Variants in STK32C observed in about 807,000 individuals in gnomAD.
STK32C encodes serine/threonine-protein kinase 32C.
In STK32C, 31 loss-of-function variants were observed where a neutral mutation model predicts 56.5. The observed-to-expected ratio is 0.55, with a 90% CI of 0.41 to 0.74. The LOEUF (loss-of-function observed/expected upper bound fraction) is 0.74, where lower values mean the gene tolerates loss of function less well. Among genes scored for constraint, STK32C ranks in the 30% least tolerant of loss-of-function variants. STK32C has a pLI of 0.00. For synonymous variants in STK32C, 309 were observed against 289.4 expected, an observed-to-expected ratio of 1.07 and a Z score of -0.69; for missense variants, 544 against 676.9, an observed-to-expected ratio of 0.80 and a Z score of 2.18.
At chr10:132,295,692 T>C (rs1249878317) in intron 1 of STK32C, among the ~76,000 whole-genome samples, 4 of 152,128 alleles carry the variant, frequency 2.6e-5, no homozygotes, top group Non-Finnish European at 5.9e-5. Context: ...GAGACCAGCA[T>C]GGCCGACATG....
chr10:132,290,584 G>A (rs1207438339), intron 1 of STK32C, among the ~76,000 whole-genome samples: 2 of 152,208 alleles, frequency 1.3e-5, no homozygotes, highest in African/African-American at 2.4e-5. Flanking sequence ...CGTTTATGAG[G>A]ATGGATTCCA....
intron 2 of STK32C, among the ~76,000 whole-genome samples, chr10:132,245,495 C>A (rs1427340586): frequency 1.3e-5 from 2 of 152,258 alleles, no homozygotes; most frequent in Non-Finnish European, 2.9e-5. Context: ...GCAGGGCACT[C>A]TGGACGGGGC....
intron 1 of STK32C, among the ~76,000 whole-genome samples, chr10:132,254,092 G>A (rs929842451): frequency 4.6e-5 from 7 of 152,186 alleles, no homozygotes; most frequent in Admixed American, 3.3e-4. Context: ...GGTGGATCAC[G>A]AGGTCAGGAG....
chr10:132,246,973 G>A (rs1351305968), intron 1 of STK32C, among the ~76,000 whole-genome samples: 7 of 152,176 alleles, frequency 4.6e-5, no homozygotes, highest in East Asian at 1.9e-4. Context: ...TAGGACACCC[G>A]CTGGTTCATG....
chr10:132,208,366 G>A (rs923661), intron 11 of STK32C, among the ~76,000 whole-genome samples: 83,625 of 152,086 alleles, frequency 0.55, 23,834 homozygotes, highest in Admixed American at 0.67. Flanking sequence ...GAGGCTCGGC[G>A]TGTTTCCAGC....
chr10:132,250,717 G>A (rs1274773315), intron 1 of STK32C, among the ~76,000 whole-genome samples: 1 of 152,242 alleles, frequency 6.6e-6, no homozygotes, highest in African/African-American at 2.4e-5. Context: ...TTGCAGAGAG[G>A]AGACCCGGGC....
chr10:132,232,550 G>A (rs911807955), intron 2 of STK32C, among the ~76,000 whole-genome samples: 2 of 152,128 alleles, frequency 1.3e-5, no homozygotes, highest in Non-Finnish European at 2.9e-5. Context: ...GGGCAGGCAG[G>A]TCCGACTCAA....
At chr10:132,220,015 G>A (rs1367383420) in intron 10 of STK32C, among the ~76,000 whole-genome samples, 1 of 152,180 alleles carries the variant, frequency 6.6e-6, no homozygotes, top group Non-Finnish European at 1.5e-5. Flanking sequence ...ACTCCTTGGT[G>A]AATATCAGCC....
Position 132,255,113 on chromosome 10 carries a change from G to A in STK32C, c.263-9158C>T, listed in dbSNP as rs912270201. On this transcript the variant is annotated intron_variant, in intron 1 of 11. Coordinates refer to ENST00000298630, the MANE Select transcript of STK32C (RefSeq NM_173575.4). This position sits in a 1 kb window ranked among gnomAD's most constrained non-coding sequence, Gnocchi z 4.6. ...CTGTCACAAAGATCAAATGTCACAC[G>A]TGGTTGAAACACACGCAGAAGTTGA... is the stretch of plus-strand genomic sequence containing the variant. Among the ~76,000 whole-genome samples the A allele has an allele frequency of 2.6e-5, 4 of 152,208 alleles. No homozygotes were observed. Among genetic ancestry groups the A allele is most frequent in the African/African-American group, 7.2e-5 (3 of 41,444 alleles).
At chr10:132,254,961 G>T (rs570581184) in intron 1 of STK32C, among the ~76,000 whole-genome samples, 1 of 152,018 alleles carries the variant, frequency 6.6e-6, no homozygotes, top group South Asian at 2.1e-4. Context: ...GGCCTGGGAC[G>T]CTTCCCTTCA....
intron 1 of STK32C, among the ~76,000 whole-genome samples, chr10:132,259,396 G>A (rs2064231732): frequency 6.6e-6 from 1 of 152,186 alleles, no homozygotes; most frequent in African/African-American, 2.4e-5. Flanking sequence ...GGAGGTGACT[G>A]GGTCAACGGG....
Position 132,307,661 on chromosome 10 carries a change from A to AG in STK32C, c.172dup (p.Leu58ProfsTer26). On this transcript the variant is annotated frameshift_variant, in exon 1 of 12. Transcript: ENST00000298630. LOFTEE classifies it high-confidence loss of function. This position sits in a 1 kb window ranked among gnomAD's most constrained non-coding sequence, Gnocchi z 4.4. ...CTTCTTCCACTTGCTCCACTGAAAC[A>AG]GGGGGCGCGGCTGCGAGCGGACATC... is the stretch of plus-strand genomic sequence containing the variant. 2 of 1,529,884 alleles carry AG rather than the reference A, an allele frequency of 1.3e-6. No individual in the cohort carries two copies. The highest frequency in any genetic ancestry group is 1.8e-6 in the Non-Finnish European group (2 of 1,139,674). The allele number at this position is 1,529,884 out of a possible 1,614,324, so 94.8% of individuals were successfully genotyped here.
intron 1 of STK32C, among the ~76,000 whole-genome samples, chr10:132,259,889 A>G (rs11146273): frequency 0.36 from 55,478 of 152,038 alleles, 10,558 homozygotes; most frequent in African/African-American, 0.42. Context: ...GAATGAAGGA[A>G]CTGTGTGTTT....
At chr10:132,283,356 C>A (rs1015105612) in intron 1 of STK32C, among the ~76,000 whole-genome samples, 8 of 152,226 alleles carry the variant, frequency 5.3e-5, no homozygotes, top group African/African-American at 1.9e-4. Flanking sequence ...AGCAAACAGG[C>A]TGTGAAGGCG....
chr10:132,289,016 T>C (rs2065492683), intron 1 of STK32C, among the ~76,000 whole-genome samples: 1 of 152,110 alleles, frequency 6.6e-6, no homozygotes, highest in South Asian at 2.1e-4. Flanking sequence ...TTTTGGGAAA[T>C]GAACTAAGTT....
intron 10 of STK32C, among the ~76,000 whole-genome samples, chr10:132,210,317 C>T (rs1246459029): frequency 6.6e-6 from 1 of 152,228 alleles, no homozygotes; most frequent in African/African-American, 2.4e-5. Flanking sequence ...AGTGCAGTGG[C>T]GTGATCTTGG....
chr10:132,221,816 T>A (rs1433491594), intron 10 of STK32C, among the ~76,000 whole-genome samples: 9 of 72,048 alleles, frequency 1.2e-4, no homozygotes, highest in African/African-American at 2.9e-4. Flanking sequence ...CTGCACACAC[T>A]CACAACTGAC....
chr10:132,227,771 C>T (rs2062944366), intron 3 of STK32C, among the ~76,000 whole-genome samples: 1 of 152,128 alleles, frequency 6.6e-6, no homozygotes, highest in Admixed American at 6.5e-5. Context: ...ATTAACCAAC[C>T]CCAGCATGTC....
intron 1 of STK32C, among the ~76,000 whole-genome samples, chr10:132,276,767 C>T (rs1283511702): frequency 6.6e-6 from 1 of 151,370 alleles, no homozygotes; most frequent in African/African-American, 2.4e-5. Flanking sequence ...AGCCTGGTGA[C>T]AGAGCAAGAC....
Sources: gnomAD v4.1 joint callset for allele counts (sites outside exome capture counted in the v4.1 genomes callset) on GRCh38, gnomAD v4.1.1 for gene constraint, Gnocchi (gnomAD v3.1) non-coding constraint, MANE v1.5 for transcripts, NCBI Gene and HGNC (gene_info 2026-07-23, HGNC 2026-07-21) for gene names.